SLC35F3: variants seen among roughly 807,000 people sequenced by gnomAD.
The protein encoded by SLC35F3 is putative thiamine transporter SLC35F3.
SLC35F3 carries 25 observed loss-of-function variants against 49.9 expected under a neutral mutation model. The observed-to-expected ratio is 0.50, with a 90% CI of 0.37 to 0.70. The LOEUF (loss-of-function observed/expected upper bound fraction) is 0.70. Among genes scored for constraint, SLC35F3 ranks in the 30% least tolerant of loss-of-function variants. SLC35F3 has a pLI of 0.00. For synonymous variants in SLC35F3, 275 were observed against 265.4 expected (o/e 1.04, Z -0.35); for missense variants, 525 against 639.8 (o/e 0.82, Z 1.94).
intron 2 of SLC35F3, among the ~76,000 whole-genome samples, chr1:234,113,082 A>G (rs926724137): frequency 1.3e-5 from 2 of 152,096 alleles, no homozygotes; most frequent in African/African-American, 4.8e-5. Flanking sequence ...AAAGAAGAAG[A>G]AAAAGAAAAG....
intron 2 of SLC35F3, among the ~76,000 whole-genome samples, chr1:233,961,880 C>G (rs1307339051): frequency 1.3e-5 from 2 of 152,170 alleles, no homozygotes; most frequent in African/African-American, 4.8e-5. Flanking sequence ...GAGACAGCAT[C>G]TTAACCCAGA....
chr1:234,182,480 C>T (rs1030446341), intron 2 of SLC35F3, among the ~76,000 whole-genome samples: 1 of 152,184 alleles, frequency 6.6e-6, no homozygotes, highest in African/African-American at 2.4e-5. Flanking sequence ...ATTGTCTGGC[C>T]GTGTCCTGGT....
At chr1:234,051,446 T>C (rs1410161774) in intron 2 of SLC35F3, among the ~76,000 whole-genome samples, 2 of 152,228 alleles carry the variant, frequency 1.3e-5, no homozygotes, top group African/African-American at 4.8e-5. Context: ...TGTTTGTCTG[T>C]TATTGGTGTA....
intron 2 of SLC35F3, among the ~76,000 whole-genome samples, chr1:234,078,042 A>T (rs1340681055): frequency 2.0e-5 from 3 of 152,148 alleles, no homozygotes; most frequent in Non-Finnish European, 1.5e-5. Flanking sequence ...GCAGAGGAAG[A>T]TGTCCTCCAA....
chr1:234,282,593 A>G (rs1330499077), intron 3 of SLC35F3, among the ~76,000 whole-genome samples: 1 of 152,220 alleles, frequency 6.6e-6, no homozygotes, highest in Non-Finnish European at 1.5e-5. Context: ...CTGGGGGAGA[A>G]TGAAAGATGG....
intron 3 of SLC35F3, among the ~76,000 whole-genome samples, chr1:234,245,281 G>C (rs541668721): frequency 6.6e-6 from 1 of 152,262 alleles, no homozygotes; most frequent in East Asian, 1.9e-4. Context: ...CATCCATGTT[G>C]CTGCAAATGA....
intron 2 of SLC35F3, among the ~76,000 whole-genome samples, chr1:233,972,335 G>A (rs78991302): frequency 0.047 from 7,180 of 152,216 alleles, 259 homozygotes; most frequent in East Asian, 0.17. Flanking sequence ...TTTACATGAT[G>A]GCTGAAACAT....
At chr1:234,106,317 G>A (rs1054227641) in intron 2 of SLC35F3, among the ~76,000 whole-genome samples, 2 of 152,210 alleles carry the variant, frequency 1.3e-5, no homozygotes, top group Non-Finnish European at 2.9e-5. Context: ...AAGAAAGAAA[G>A]AGCAATACAA....
chr1:234,216,424 A>G (rs564730256), intron 2 of SLC35F3, among the ~76,000 whole-genome samples: 2 of 152,292 alleles, frequency 1.3e-5, no homozygotes, highest in East Asian at 3.9e-4. Flanking sequence ...TGCAGGAGGC[A>G]GTGAGTGGCA....
At chr1:233,928,070 A>G (rs1279306599) in intron 2 of SLC35F3, among the ~76,000 whole-genome samples, 1 of 152,132 alleles carries the variant, frequency 6.6e-6, no homozygotes. Flanking sequence ...AAGACCTCTG[A>G]TAAACCCTTC....
intron 3 of SLC35F3, among the ~76,000 whole-genome samples, chr1:234,251,465 A>T (rs79408328): frequency 2.1e-4 from 3 of 13,968 alleles, no homozygotes; most frequent in East Asian, 1.4e-3. Flanking sequence ...AAACTAAACC[A>T]AAAAAAAAAA....
chr1:234,317,163 G>C (rs4027083), intron 5 of SLC35F3, among the ~76,000 whole-genome samples: 3,609 of 152,284 alleles, frequency 0.024, 149 homozygotes, highest in African/African-American at 0.082. Flanking sequence ...ACCACTGCTC[G>C]CTATGAATCC....
At chr1:234,104,394 G>A (rs1381426498) in intron 2 of SLC35F3, among the ~76,000 whole-genome samples, 1 of 152,182 alleles carries the variant, frequency 6.6e-6, no homozygotes, top group Non-Finnish European at 1.5e-5. Flanking sequence ...CAGCCCTGTT[G>A]AAAGGGAATA....
chr1:234,254,513 G>A (rs1333603992), intron 3 of SLC35F3, among the ~76,000 whole-genome samples: 1 of 152,198 alleles, frequency 6.6e-6, no homozygotes, highest in East Asian at 1.9e-4. Flanking sequence ...TATGAAGAAG[G>A]AGGTAAAATC....
chr1:234,279,531 C>T (rs527906265), intron 3 of SLC35F3, among the ~76,000 whole-genome samples: 1 of 152,254 alleles, frequency 6.6e-6, no homozygotes, highest in East Asian at 1.9e-4. Context: ...GACAGAGAGC[C>T]AGGAGCTGAG....
rs141104296 is a variant in SLC35F3, at chr1:234,145,597, A to G, written c.284-85820A>G. On this transcript the variant is annotated intron_variant, in intron 2 of 7. Transcript: ENST00000366618. ...CGGGAAAAAAATGATGGTTGTCTCT[A>G]TATTGAACCTGTATAGACTTTTTTT... 2.0e-5 allele frequency among the ~76,000 whole-genome samples: 3 copies of G among 152,308 alleles called. No individual in the cohort carries two copies. The East Asian group carries it at 5.8e-4, about 29-fold the overall frequency.
At chr1:233,975,924 C>A (rs1427616465) in intron 2 of SLC35F3, among the ~76,000 whole-genome samples, 1 of 152,088 alleles carries the variant, frequency 6.6e-6, no homozygotes, top group African/African-American at 2.4e-5. Flanking sequence ...GGTGTACACA[C>A]GTATGGTGTG....
intron 2 of SLC35F3, among the ~76,000 whole-genome samples, chr1:234,053,201 TTC>T (rs1664404256): frequency 6.6e-6 from 1 of 152,210 alleles, no homozygotes; most frequent in Non-Finnish European, 1.5e-5. Flanking sequence ...CTTGTTAACT[TTC>T]TGTCTCGTTG....
chr1:234,225,480 G>T (rs1023097528), intron 2 of SLC35F3, among the ~76,000 whole-genome samples: 3 of 152,154 alleles, frequency 2.0e-5, no homozygotes, highest in African/African-American at 7.2e-5. Flanking sequence ...AGGGATGGGG[G>T]AAGCTGGAAC....
Sources: allele counts gnomAD v4.1 joint callset (sites outside exome capture counted in the v4.1 genomes callset), GRCh38; gene constraint gnomAD v4.1.1; transcripts MANE v1.5; gene names NCBI Gene and HGNC (gene_info 2026-07-23, HGNC 2026-07-21).